The following PKD1L1 variants were observed in gnomAD, a reference collection of about 807,000 sequenced individuals.
PKD1L1 encodes polycystin-1-like protein 1.
Under a neutral mutation model 323.4 loss-of-function variants are expected in PKD1L1, and 236 were observed. That is an observed-to-expected ratio of 0.73 (90% CI 0.66 to 0.81). PKD1L1 has a LOEUF of 0.81. Ranked by LOEUF, PKD1L1 falls within the 40% of genes least tolerant of loss-of-function variation. PKD1L1 has a pLI of 0.00. For synonymous variants in PKD1L1, 1,344 were observed against 1,335.0 expected (o/e 1.01, Z -0.15); for missense variants, 3,320 against 3,508.0 (o/e 0.95, Z 1.35).
intron 7 of PKD1L1, among the ~76,000 whole-genome samples, chr7:47,924,260 G>T (rs1465460650): frequency 6.6e-6 from 1 of 152,100 alleles, no homozygotes. Flanking sequence ...TGGGAAACTG[G>T]AACAGATGAT....
intron 1 of PKD1L1, among the ~76,000 whole-genome samples, chr7:47,945,115 C>T (rs541931570): frequency 6.6e-6 from 1 of 152,192 alleles, no homozygotes; most frequent in Non-Finnish European, 1.5e-5. Flanking sequence ...AGAGGAACGA[C>T]ACAGACCTAC....
upstream of PKD1L1, among the ~76,000 whole-genome samples, chr7:47,948,946 A>AAAACAAAACG (rs1335122826): frequency 3.3e-5 from 5 of 152,156 alleles, no homozygotes; most frequent in African/African-American, 9.6e-5. Context: ...CTCTGCCTCA[A>AAAACAAAACG]AAACAAAATG....
intron 31 of PKD1L1, among the ~76,000 whole-genome samples, chr7:47,851,765 C>G (rs543137656): frequency 1.3e-5 from 2 of 151,918 alleles, no homozygotes; most frequent in African/African-American, 2.4e-5. Flanking sequence ...CATGAGGAAA[C>G]AGTCAGGCAA....
chr7:47,829,400 G>A, intron 44 of PKD1L1, 25 bp downstream of exon 44: 1 of 1,567,060 alleles, frequency 6.4e-7, no homozygotes, highest in Non-Finnish European at 8.6e-7. Flanking sequence ...ATCTCAATTT[G>A]CACTGCATAG....
chr7:47,877,407 TC>T, intron 22 of PKD1L1, 81 bp downstream of exon 22: 1 of 1,541,728 alleles, frequency 6.5e-7, no homozygotes, highest in East Asian at 2.3e-5. Context: ...TGCTGTCCAT[TC>T]CTACAGCACC....
chr7:47,865,270 T>C lies in PKD1L1; in HGVS notation c.4095A>G (p.Glu1365=), dbSNP rs1395027925. Residue 1365 remains glutamate, a splice_region_variant and synonymous_variant, in exon 26 of 57, where the codon GAA becomes GAG. Transcript: ENST00000289672. ...SVCRLAFVDQ[E]EMIGSVLMLR... is the part of the protein sequence containing the mutation. ...ACATAAGAACAGAACCAATCATTTC[T>C]TCCTGACCAGAAGAAACAACAATAA... The C allele has an allele frequency of 3.1e-6, 5 of 1,612,832 alleles. No individual in the cohort carries two copies. Among genetic ancestry groups the C allele is most frequent in the Non-Finnish European group, 4.2e-6 (5 of 1,179,386 alleles).
At chr7:47,887,078 A>C (rs1786701439) in intron 17 of PKD1L1, among the ~76,000 whole-genome samples, 1 of 152,216 alleles carries the variant, frequency 6.6e-6, no homozygotes, top group East Asian at 1.9e-4. Context: ...CCTCTAATCT[A>C]TTCAGCATGG....
intron 54 of PKD1L1, 41 bp downstream of exon 54, chr7:47,800,608 T>C: frequency 2.5e-6 from 4 of 1,596,946 alleles, no homozygotes; most frequent in Non-Finnish European, 3.4e-6. Context: ...AATGAAACTT[T>C]TACAAACCAT....
At chr7:47,845,209 C>T (rs1180556928) in intron 32 of PKD1L1, 131 bp from the exon 33 acceptor site, 1 of 699,656 alleles carries the variant, frequency 1.4e-6, no homozygotes, top group African/African-American at 1.8e-5. Context: ...TGACTAAGAC[C>T]CAGTTTAAAA....
At chr7:47,801,973 C>T (rs1007041671) in intron 53 of PKD1L1, among the ~76,000 whole-genome samples, 4 of 151,962 alleles carry the variant, frequency 2.6e-5, no homozygotes, top group African/African-American at 4.8e-5. Flanking sequence ...GGGCGGATCA[C>T]GAGGTCAGGA....
intron 45 of PKD1L1, among the ~76,000 whole-genome samples, chr7:47,824,981 G>A (rs1199220176): frequency 5.3e-5 from 8 of 152,198 alleles, no homozygotes; most frequent in Non-Finnish European, 1.0e-4. Flanking sequence ...TGGATAAATC[G>A]TAAATGAATC....
intron 45 of PKD1L1, among the ~76,000 whole-genome samples, chr7:47,824,758 T>C (rs1393720742): frequency 2.0e-5 from 3 of 152,200 alleles, no homozygotes; most frequent in African/African-American, 7.2e-5. Context: ...CAGCGAATCC[T>C]GCAGGCCTCT....
chr7:47,864,215 G>C (rs1414202403), intron 26 of PKD1L1, among the ~76,000 whole-genome samples: 1 of 152,158 alleles, frequency 6.6e-6, no homozygotes, highest in Non-Finnish European at 1.5e-5. Flanking sequence ...AGAGGAGCCT[G>C]GAGGAGAGCT....
chr7:47,910,406 C>T (rs953711444), intron 8 of PKD1L1, among the ~76,000 whole-genome samples: 1 of 149,014 alleles, frequency 6.7e-6, no homozygotes, highest in African/African-American at 2.5e-5. Flanking sequence ...ATGATCTTGG[C>T]TTACTGCAAG....
rs1202088968 is a variant in PKD1L1 at position 47,890,589 on chromosome 7, A to G, written c.2628T>C (p.Ser876=). ...MLRVSSGGRN[S]SETRVFLSPY... ...GGGACAGGAACACCCGGGTCTCAGAAGAGTTCCGGCCACCACTGGAGACCC... is the reference window on the plus strand; with the variant it reads ...GGGACAGGAACACCCGGGTCTCAGAGGAGTTCCGGCCACCACTGGAGACCC... Residue 876 remains serine (S), a synonymous_variant, in exon 16 of 57, where the codon TCT becomes TCC. Transcript: ENST00000289672. The G allele has an allele frequency of 4.3e-6, 7 of 1,614,162 alleles. No homozygotes were observed. Among genetic ancestry groups the G allele is most frequent in the Non-Finnish European group, 5.9e-6 (7 of 1,180,028 alleles).
chr7:47,872,272 T>C (rs1226354832), intron 24 of PKD1L1, among the ~76,000 whole-genome samples: 3 of 152,168 alleles, frequency 2.0e-5, no homozygotes, highest in Admixed American at 6.5e-5. Context: ...TGCTGCTTTG[T>C]TTTTGCAGAA....
chr7:47,960,249 C>G, the PKD1L1 span, among the ~76,000 whole-genome samples: 1 of 149,832 alleles, frequency 6.7e-6, no homozygotes, highest in Non-Finnish European at 1.5e-5. Flanking sequence ...CCGCAGGGTC[C>G]TCTGCATAGG....
rs546658225 is a variant in PKD1L1 at position 47,850,803 on chromosome 7, G to C, written c.4960+2324C>G. Among the ~76,000 whole-genome samples, 254 of 152,170 alleles carry C rather than the reference G, an allele frequency of 1.7e-3. 1 individual carries two copies. Among genetic ancestry groups the C allele is most frequent in the African/African-American group, 5.8e-3 (239 of 41,532 alleles). ...GTAATATATCATGTAAGAATGTAAAGTCAAAACTAAACAAAAAATCTAGAA... is the reference window on the plus strand; with the variant it reads ...GTAATATATCATGTAAGAATGTAAACTCAAAACTAAACAAAAAATCTAGAA... On this transcript the variant is annotated intron_variant, in intron 31 of 56. Coordinates refer to ENST00000289672, the MANE Select transcript of PKD1L1 (RefSeq NM_138295.5).
At position 47,913,408 on chromosome 7, in the gene PKD1L1, T is replaced by C. The variant is rs1330660138; in HGVS notation, c.1228+2024A>G. Among the ~76,000 whole-genome samples the C allele has an allele frequency of 2.0e-5, 3 of 152,168 alleles. No individual in the cohort carries two copies. The East Asian group carries it at 5.8e-4, about 29-fold the overall frequency. On this transcript the variant is annotated intron_variant, in intron 8 of 56. Transcript: ENST00000289672. ...GGATCTGTGCCCCCACCAAATCTCA[T>C]GTCGAATTGCATTCCCCAGTATTGA...
Sources: gnomAD v4.1 joint callset for allele counts (sites outside exome capture counted in the v4.1 genomes callset) on GRCh38, gnomAD v4.1.1 for gene constraint, MANE v1.5 for transcripts, NCBI Gene and HGNC (gene_info 2026-07-23, HGNC 2026-07-21) for gene names.